Variants in ROPN1B observed in about 807,000 individuals in gnomAD.
ROPN1B encodes rhophilin associated tail protein 1B.
ROPN1B carries 13 observed loss-of-function variants against 23.7 expected under a neutral mutation model. The ratio of observed to expected loss-of-function variants is 0.55; its 90% CI spans 0.36 to 0.87. The LOEUF is 0.87. Among genes scored for constraint, ROPN1B ranks in the 40% least tolerant of loss-of-function variants. ROPN1B has a pLI of 0.01. For synonymous variants in ROPN1B, 67 were observed against 100.4 expected (o/e 0.67, Z 1.99); for missense variants, 183 against 249.2 (o/e 0.73, Z 1.79).
chr3:125,982,087 CAAT>C (rs1176767806), intron 5 of ROPN1B, among the ~76,000 whole-genome samples, 180 bp from the exon 6 acceptor site: 1 of 152,148 alleles, frequency 6.6e-6, no homozygotes, highest in Non-Finnish European at 1.5e-5. Context: ...ACCCAATACT[CAAT>C]ATTTTTTAGA....
chr3:125,971,027 G>T (rs1472057208), intron 1 of ROPN1B, 90 bp from the exon 2 acceptor site: 2 of 153,562 alleles, frequency 1.3e-5, no homozygotes, highest in African/African-American at 4.8e-5. Flanking sequence ...TCCCTGGGCG[G>T]GTCTCAAGTT....
At chr3:125,974,802 C>G (rs991570955) in intron 3 of ROPN1B, among the ~76,000 whole-genome samples, 17 of 152,200 alleles carry the variant, frequency 1.1e-4, no homozygotes, top group African/African-American at 4.1e-4. Flanking sequence ...TTTTATTTTA[C>G]AGGCACCATA....
At chr3:125,974,641 C>A (rs1938340098) in intron 3 of ROPN1B, among the ~76,000 whole-genome samples, 1 of 152,164 alleles carries the variant, frequency 6.6e-6, no homozygotes, top group Non-Finnish European at 1.5e-5. Context: ...CATGTCCATT[C>A]CCTGCTGCAG....
intron 4 of ROPN1B, among the ~76,000 whole-genome samples, chr3:125,975,946 T>C (rs571490594): frequency 1.3e-4 from 20 of 152,308 alleles, no homozygotes; most frequent in Admixed American, 7.8e-4. Context: ...ATGCTAATCT[T>C]GTCTCTCCAG....
At chr3:125,974,723 G>A (rs1174803893) in intron 3 of ROPN1B, among the ~76,000 whole-genome samples, 1 of 152,126 alleles carries the variant, frequency 6.6e-6, no homozygotes, top group African/African-American at 2.4e-5. Context: ...CCCAAACAAA[G>A]TCCACTCCAC....
chr3:125,974,833 CCTT>C (rs745587982), intron 3 of ROPN1B, among the ~76,000 whole-genome samples: 22 of 152,170 alleles, frequency 1.4e-4, no homozygotes, highest in Non-Finnish European at 1.9e-4. Context: ...TTGTCTCAAA[CCTT>C]CTTTGGCTTC....
In ROPN1B at chr3:125,972,147, G is replaced by C; in HGVS notation, c.93G>C (p.Gln31His). ...FAKAAIRAQP[Q>H]DLIQWGADYF... ...AAGCCGCCATTCGGGCGCAGCCGCAGGACCTCATCCAGTGGGGGGCCGAGT... is the reference window on the plus strand; with the variant it reads ...AAGCCGCCATTCGGGCGCAGCCGCACGACCTCATCCAGTGGGGGGCCGAGT... Residue 31 changes from glutamine to histidine, a missense_variant, in exon 3 of 7, where the codon CAG (glutamine) becomes CAC (histidine). Gln to His is a conservative substitution (Grantham distance 24). This residue lies in a region of ROPN1B where 97 missense variants were observed against 99.6 expected (regional missense o/e 0.97). Transcript: ENST00000514116. The C allele has an allele frequency of 6.2e-7, 1 of 1,614,246 alleles. No homozygotes were observed. Among genetic ancestry groups the C allele is most frequent in the East Asian group, 2.2e-5 (1 of 44,888 alleles).
chr3:125,982,121 T>G (rs1938629728), intron 5 of ROPN1B, 149 bp from the exon 6 acceptor site: 2 of 607,418 alleles, frequency 3.3e-6, no homozygotes, highest in Non-Finnish European at 5.5e-6. Context: ...GACATTTGAA[T>G]GTAAAAATTT....
Position 125,982,465 on chromosome 3 carries a change from T to C in ROPN1B, c.572+20T>C, listed in dbSNP as rs372553511. On this transcript the variant is annotated intron_variant, in intron 6 of 6. Coordinates refer to ENST00000514116, the MANE Select transcript of ROPN1B (RefSeq NM_001308313.2). Reference sequence around the variant, plus strand: ...GGAAGTGTAAGTTAACTTTTACCAATTGGAGGTGAAAGAATACCAGGAAAA... The same window carrying C: ...GGAAGTGTAAGTTAACTTTTACCAACTGGAGGTGAAAGAATACCAGGAAAA... 60 of 1,575,950 alleles carry C rather than the reference T, an allele frequency of 3.8e-5. No homozygotes were observed. Among genetic ancestry groups the C allele is most frequent in the African/African-American group, 5.5e-5 (4 of 72,468 alleles).
chr3:125,981,203 T>C (rs1449613927), intron 5 of ROPN1B, among the ~76,000 whole-genome samples: 3 of 152,230 alleles, frequency 2.0e-5, no homozygotes, highest in Non-Finnish European at 4.4e-5. Flanking sequence ...GAAGAGTTTA[T>C]TCACATCCTC....
chr3:125,971,731 A>G (rs1387634747), intron 2 of ROPN1B, among the ~76,000 whole-genome samples: 1 of 152,202 alleles, frequency 6.6e-6, no homozygotes. Context: ...ATATATATTT[A>G]TACTGAAAAA....
At position 125,975,592 on chromosome 3, in the gene ROPN1B, C is replaced by G. The variant is rs753256965; in HGVS notation, c.146C>G (p.Thr49Arg). 6.2e-7 allele frequency: 1 copy of G among 1,614,048 alleles called. No individual in the cohort carries two copies. Among genetic ancestry groups the G allele is most frequent in the Admixed American group, 1.7e-5 (1 of 60,012 alleles). Residue 49 changes from threonine to arginine, a missense_variant, in exon 4 of 7, where the codon ACG becomes AGG. By Grantham distance (71) the Thr-to-Arg change is moderately conservative (BLOSUM62 -1). Coordinates refer to ENST00000514116, the MANE Select transcript of ROPN1B (RefSeq NM_001308313.2). ...TTTGAGGCCCTGTCCCGTGGAGAGA[C>G]GCCTCCGGTGAGAGAGCGGTCTGAG... ...DYFEALSRGE[T>R]PPVRERSERV...
intron 3 of ROPN1B, chr3:125,972,387 T>A (rs1466717551): frequency 1.2e-5 from 7 of 590,484 alleles, no homozygotes; most frequent in East Asian, 2.8e-5. Context: ...CGAGCCAGAT[T>A]GAGCAGTAGG....
At chr3:125,969,886 A>T (rs1317591054) in intron 1 of ROPN1B, 1 of 149,588 alleles carries the variant, frequency 6.7e-6, no homozygotes, top group Admixed American at 6.6e-5. Flanking sequence ...CTCCTATCAC[A>T]TATTATTTTA....
chr3:125,981,584 T>G (rs1323963422), intron 5 of ROPN1B, among the ~76,000 whole-genome samples: 3 of 152,216 alleles, frequency 2.0e-5, no homozygotes, highest in Admixed American at 6.5e-5. Context: ...CTGAGCATGC[T>G]CCTTTAATGT....
chr3:125,980,877 T>G (rs977146131), intron 5 of ROPN1B, among the ~76,000 whole-genome samples: 3 of 152,164 alleles, frequency 2.0e-5, no homozygotes, highest in African/African-American at 7.2e-5. Context: ...TCCTCCCAGA[T>G]AGCCGCATAT....
chr3:125,974,115 C>G lies in ROPN1B; in HGVS notation c.117-1448C>G, dbSNP rs369060761. Among the ~76,000 whole-genome samples, 170 of 152,310 alleles carry G rather than the reference C, an allele frequency of 1.1e-3. 2 individuals are homozygous for G. The highest frequency in any genetic ancestry group is 1.3e-3 in the Non-Finnish European group (91 of 68,026). On this transcript the variant is annotated intron_variant, in intron 3 of 6. Coordinates refer to ENST00000514116, the MANE Select transcript of ROPN1B (RefSeq NM_001308313.2). ...TTCCACAAGAAGTCCAGAGATGTTG[C>G]TGCTGAGTGTTACTCTACCCGGGCA...
In ROPN1B at chr3:125,982,084, A is replaced by G. The variant is rs576161961; in HGVS notation, c.397-186A>G. ...AGAAAGAAAAATAAAGATACCCAATACTCAATATTTTTTAGAATGAATTAG... is the reference window on the plus strand; with the variant it reads ...AGAAAGAAAAATAAAGATACCCAATGCTCAATATTTTTTAGAATGAATTAG... On this transcript the variant is annotated intron_variant, in intron 5 of 6. Coordinates refer to ENST00000514116, the MANE Select transcript of ROPN1B (RefSeq NM_001308313.2). 4.7e-4 allele frequency among the ~76,000 whole-genome samples: 72 copies of G among 152,314 alleles called. 1 individual carries two copies. In the Middle Eastern group the frequency reaches 0.02, roughly 43 times the overall value.
intron 4 of ROPN1B, among the ~76,000 whole-genome samples, 168 bp downstream of exon 4, chr3:125,975,848 T>C (rs1938391423): frequency 6.6e-6 from 1 of 152,172 alleles, no homozygotes; most frequent in South Asian, 2.1e-4. Flanking sequence ...GAAATGGGAA[T>C]AATTTTGAAA....
Sources: allele counts gnomAD v4.1 joint callset (sites outside exome capture counted in the v4.1 genomes callset), GRCh38; gene constraint gnomAD v4.1.1; regional missense constraint gnomAD v4.1.1; transcripts MANE v1.5; gene names NCBI Gene and HGNC (gene_info 2026-07-23, HGNC 2026-07-21).